The following AUH variants were observed in gnomAD, a reference collection of about 807,000 sequenced individuals.
AUH encodes the protein AU RNA binding methylglutaconyl-CoA hydratase.
In AUH, 29 loss-of-function variants were observed where a neutral mutation model predicts 42.3. That is an observed-to-expected ratio of 0.69 (90% CI 0.51 to 0.93). The LOEUF (loss-of-function observed/expected upper bound fraction) is 0.93, where lower values mean the gene tolerates loss of function less well. Ranked by LOEUF, AUH falls within the 40% of genes least tolerant of loss-of-function variation. The pLI is 0.00. For synonymous variants in AUH, 174 were observed against 166.4 expected (o/e 1.05, Z -0.35); for missense variants, 452 against 438.1 (o/e 1.03, Z -0.28).
intron 3 of AUH, among the ~76,000 whole-genome samples, chr9:91,334,515 C>T: frequency 1.1e-5 from 1 of 94,832 alleles, no homozygotes; most frequent in African/African-American, 4.3e-5. Context: ...AATCTCAGGC[C>T]TTTGGACGCA....
intron 4 of AUH, among the ~76,000 whole-genome samples, chr9:91,318,706 A>C (rs1487877141): frequency 1.3e-5 from 2 of 152,188 alleles, no homozygotes; most frequent in African/African-American, 2.4e-5. Flanking sequence ...TGGCCCCTTC[A>C]CCAGATGGAA....
At chr9:91,250,185 G>A (rs1182041769) in intron 6 of AUH, among the ~76,000 whole-genome samples, 1 of 152,152 alleles carries the variant, frequency 6.6e-6, no homozygotes, top group Non-Finnish European at 1.5e-5. Context: ...GGAGGTCTGA[G>A]ACCGCACCTG....
chr9:91,284,618 A>C (rs1826251272), intron 6 of AUH, among the ~76,000 whole-genome samples: 1 of 151,988 alleles, frequency 6.6e-6, no homozygotes, highest in South Asian at 2.1e-4. Flanking sequence ...AACTTACGAG[A>C]AAAAAAACAA....
At chr9:91,284,995 G>C (rs535285409) in intron 6 of AUH, among the ~76,000 whole-genome samples, 157 of 152,180 alleles carry the variant, frequency 1.0e-3, no homozygotes, top group African/African-American at 3.6e-3. Context: ...ATGCTGCTAT[G>C]AAGACACATG....
chr9:91,254,419 T>C (rs1829301489), intron 6 of AUH, among the ~76,000 whole-genome samples: 1 of 152,172 alleles, frequency 6.6e-6, no homozygotes, highest in South Asian at 2.1e-4. Flanking sequence ...AAATAAAGTG[T>C]TCAATGCCAG....
At chr9:91,251,928 G>A (rs754436082) in intron 6 of AUH, among the ~76,000 whole-genome samples, 18 of 151,976 alleles carry the variant, frequency 1.2e-4, no homozygotes, top group East Asian at 1.9e-4. Flanking sequence ...ATCAATCTTC[G>A]GTCAACCTTT....
At chr9:91,324,926 C>T (rs567684907) in intron 4 of AUH, among the ~76,000 whole-genome samples, 1 of 151,546 alleles carries the variant, frequency 6.6e-6, no homozygotes, top group East Asian at 1.9e-4. Context: ...TAATATACAG[C>T]AGTAAATTAA....
At chr9:91,342,057 T>C (rs1475066633) in intron 3 of AUH, among the ~76,000 whole-genome samples, 1 of 152,202 alleles carries the variant, frequency 6.6e-6, no homozygotes, top group Non-Finnish European at 1.5e-5. Flanking sequence ...ACACACTTGG[T>C]ATCAGTTTCC....
chr9:91,349,609 TAGC>T (rs1369104248), intron 3 of AUH, among the ~76,000 whole-genome samples: 1 of 152,104 alleles, frequency 6.6e-6, no homozygotes, highest in Non-Finnish European at 1.5e-5. Flanking sequence ...CATTTTGAAA[TAGC>T]AGAATTGTTT....
intron 4 of AUH, among the ~76,000 whole-genome samples, chr9:91,316,846 T>C (rs529262344): frequency 1.3e-5 from 2 of 152,360 alleles, no homozygotes; most frequent in African/African-American, 2.4e-5. Context: ...ACTTTATTTA[T>C]AGTATGTTTT....
At chr9:91,239,745 G>GCA (rs372817284) in intron 6 of AUH, among the ~76,000 whole-genome samples, 3 of 131,146 alleles carry the variant, frequency 2.3e-5, no homozygotes, top group Non-Finnish European at 5.1e-5. Context: ...AAACACACAC[G>GCA]CACACACACA....
intron 7 of AUH, among the ~76,000 whole-genome samples, chr9:91,220,329 T>C (rs1313406737): frequency 6.6e-6 from 1 of 152,246 alleles, no homozygotes; most frequent in African/African-American, 2.4e-5. Flanking sequence ...TCAAGCAGGC[T>C]TTTCACTTTT....
intron 6 of AUH, among the ~76,000 whole-genome samples, chr9:91,224,567 G>C (rs1371682967): frequency 6.6e-6 from 1 of 152,054 alleles, no homozygotes; most frequent in Admixed American, 6.5e-5. Flanking sequence ...TTTCTTCTAA[G>C]AGTTGTATAC....
chr9:91,256,856 GACCCTTACAC>G (rs1829428829), intron 6 of AUH, among the ~76,000 whole-genome samples: 1 of 152,078 alleles, frequency 6.6e-6, no homozygotes, highest in Non-Finnish European at 1.5e-5. Flanking sequence ...TACCTTGCCA[GACCCTTACAC>G]AGAGAGACAG....
chr9:91,217,407 C>T (rs1826886564), intron 7 of AUH, 80 bp from the exon 8 acceptor site: 2 of 1,449,448 alleles, frequency 1.4e-6, no homozygotes, highest in South Asian at 2.3e-5. Context: ...ATTCAGAATT[C>T]CCACCACTGG....
At chr9:91,323,250 A>C (rs1227178932) in intron 4 of AUH, among the ~76,000 whole-genome samples, 1 of 152,214 alleles carries the variant, frequency 6.6e-6, no homozygotes, top group African/African-American at 2.4e-5. Flanking sequence ...TGTACTTTTC[A>C]ACTGAAAACA....
intron 3 of AUH, among the ~76,000 whole-genome samples, chr9:91,328,789 TAA>T (rs1830129599): frequency 6.6e-6 from 1 of 152,228 alleles, no homozygotes; most frequent in South Asian, 2.1e-4. Context: ...ATAATTTACA[TAA>T]AATAGAGTTC....
rs140565526 is a variant in AUH at position 91,270,596 on chromosome 9, C to T, written c.655+25425G>A. On this transcript the variant is annotated intron_variant, in intron 6 of 9. Transcript: ENST00000375731. ...GCTTCTGTAAGACTCAAAGTAGACA[C>T]CCCTTGTAGAGCAAAAAGGGAATAA... 2.2e-4 allele frequency among the ~76,000 whole-genome samples: 34 copies of T among 152,192 alleles called. No homozygotes were observed. In the East Asian group the frequency reaches 2.9e-3, roughly 13 times the overall value.
chr9:91,325,353 A>T lies in AUH; in HGVS notation c.470T>A (p.Phe157Tyr). The T allele has an allele frequency of 1.2e-6, 2 of 1,613,926 alleles. No individual in the cohort carries two copies. The highest frequency in any genetic ancestry group is 1.7e-6 in the Non-Finnish European group (2 of 1,179,884). ...AKMSSSEVGP[F>Y]VSKIRAVIND... ...AATCACTGCTCTTATTTTGGAGACA[A>T]AAGGACCAACTTCACTGGAACTCAT... Residue 157 changes from phenylalanine to tyrosine, a missense_variant, in exon 4 of 10, where the codon TTT becomes TAT. By Grantham distance (22) the Phe-to-Tyr change is conservative. Transcript: ENST00000375731.
Sources: allele counts gnomAD v4.1 joint callset (sites outside exome capture counted in the v4.1 genomes callset), GRCh38; gene constraint gnomAD v4.1.1; transcripts MANE v1.5; gene names NCBI Gene and HGNC (gene_info 2026-07-23, HGNC 2026-07-21).